The following TRRAP variants were observed in gnomAD, a reference collection of about 807,000 sequenced individuals.
TRRAP encodes the protein transformation/transcription domain-associated protein.
A neutral mutation model predicts 438.8 loss-of-function variants in TRRAP; 41 were observed. The ratio of observed to expected loss-of-function variants is 0.09; its 90% CI spans 0.07 to 0.12. The LOEUF (loss-of-function observed/expected upper bound fraction) is 0.12. Ranked by LOEUF, TRRAP falls within the 10% of genes least tolerant of loss-of-function variation. The pLI is 1.00. For synonymous variants in TRRAP, 1,994 were observed against 1,962.9 expected, an observed-to-expected ratio of 1.02 and a Z score of -0.42; for missense variants, 3,122 against 5,055.1, an observed-to-expected ratio of 0.62 and a Z score of 11.60.
rs577116284 is a variant in TRRAP, at chr7:98,937,756, G to A, written c.4340G>A (p.Arg1447His). The change falls in exon 30 of 73, where the codon CGC becomes CAC. Residue 1447 changes from arginine (R) to histidine (H), a missense_variant. By Grantham distance (29) the Arg-to-His change is conservative. Transcript: ENST00000456197. ...AGCTTGACGCTGAATGTTGTGAATC[G>A]CCTGACTTCGGTCACGAGGCTCTTC... ...YRSLTLNVVNRLTSVTRLFPN... is the reference protein window; with the variant it reads ...YRSLTLNVVNHLTSVTRLFPN... 4 of 1,613,870 alleles carry A rather than the reference G, an allele frequency of 2.5e-6. No homozygotes were observed. Among genetic ancestry groups the A allele is most frequent in the Admixed American group, 3.3e-5 (2 of 59,990 alleles).
Position 98,976,141 on chromosome 7 carries a change from G to A in TRRAP, c.7840-8G>A, listed in dbSNP as rs757681421. 1 of 1,613,730 alleles carries A rather than the reference G, an allele frequency of 6.2e-7. No homozygotes were observed. The highest frequency in any genetic ancestry group is 8.5e-7 in the Non-Finnish European group (1 of 1,179,852). On this transcript the variant is annotated splice_polypyrimidine_tract_variant and splice_region_variant and intron_variant, in intron 53 of 72. Transcript: ENST00000456197. This position sits in a 1 kb window ranked among gnomAD's most constrained non-coding sequence, Gnocchi z 4.6. ...GGCCATCTCAGCCTGTTGTCTTTCT[G>A]TTCATAGACTGGAGCGCTGCTCAGC...
In TRRAP at chr7:98,910,400, A is replaced by G. The variant is rs781848634; in HGVS notation, c.1695A>G (p.Thr565=). The G allele has an allele frequency of 8.1e-6, 13 of 1,609,582 alleles. No individual in the cohort carries two copies. The Admixed American group carries it at 1.3e-4, about 17-fold the overall frequency. The change falls in exon 15 of 73, where the codon ACA becomes ACG. Residue 565 remains threonine (T), a synonymous_variant. Coordinates refer to ENST00000456197, the MANE Select transcript of TRRAP (RefSeq NM_001375524.1). ...TCAAGACAATCACGTGGGGCATAACATCATGCAAAGCACCTGGTGGTAATT... is the reference window on the plus strand; with the variant it reads ...TCAAGACAATCACGTGGGGCATAACGTCATGCAAAGCACCTGGTGGTAATT... ...CGVKTITWGI[T]SCKAPGEAQF... is the part of the protein sequence containing the mutation.
At chr7:98,879,835 CA>C (rs1795337659) in intron 1 of TRRAP, among the ~76,000 whole-genome samples, 2 of 152,176 alleles carry the variant, frequency 1.3e-5, no homozygotes, top group Admixed American at 1.3e-4. Flanking sequence ...TCTCTAGTGT[CA>C]CCTGTGTCAG....
rs114303150 is a variant in TRRAP, at chr7:98,952,780, C to T, written c.5464-387C>T. Among the ~76,000 whole-genome samples the T allele has an allele frequency of 6.1e-3, 934 of 152,168 alleles. 10 individuals carry two copies. The highest frequency in any genetic ancestry group is 0.021 in the African/African-American group (869 of 41,502). The stretch of plus-strand genomic sequence containing the variant: ...GTCAGTTCTGTGTTCATCTCATGCT[C>T]GGTAAGTCAGCACTTTACGTAAGAT... On this transcript the variant is annotated intron_variant, in intron 39 of 72. Coordinates refer to ENST00000456197, the MANE Select transcript of TRRAP (RefSeq NM_001375524.1).
intron 20 of TRRAP, among the ~76,000 whole-genome samples, chr7:98,920,828 C>T (rs1389062287): frequency 2.0e-5 from 3 of 151,630 alleles, no homozygotes; most frequent in Non-Finnish European, 4.4e-5. Flanking sequence ...CATCCACCTG[C>T]GTGCTCCTCC....
At chr7:98,974,830 T>C (rs1356586907) in intron 53 of TRRAP, among the ~76,000 whole-genome samples, 1 of 152,240 alleles carries the variant, frequency 6.6e-6, no homozygotes, top group Non-Finnish European at 1.5e-5. Flanking sequence ...CCTTAAACCA[T>C]GCAGACAGTA....
chr7:99,007,561 C>G lies in TRRAP; in HGVS notation c.10754-816C>G, dbSNP rs186875148. On this transcript the variant is annotated intron_variant, in intron 69 of 72. Transcript: ENST00000456197. ...ATGGGGTTTTGCCATGTTGGCCAGG[C>G]TGGTCTCAAACTCCTGACCTCATGT... 2.3e-3 allele frequency among the ~76,000 whole-genome samples: 357 copies of G among 152,090 alleles called. 3 individuals are homozygous for G. The highest frequency in any genetic ancestry group is 8.3e-3 in the African/African-American group (343 of 41,458).
intron 53 of TRRAP, among the ~76,000 whole-genome samples, chr7:98,974,902 G>T (rs1252977863): frequency 1.3e-5 from 2 of 152,120 alleles, no homozygotes; most frequent in African/African-American, 2.4e-5. Context: ...CAGGGATTTT[G>T]ATCTTTGAGG....
At chr7:98,928,874 A>G (rs1323995406) in intron 23 of TRRAP, among the ~76,000 whole-genome samples, 1 of 151,760 alleles carries the variant, frequency 6.6e-6, no homozygotes, top group East Asian at 1.9e-4. Flanking sequence ...GCTGAGCTCA[A>G]GTGATCCTCC....
intron 38 of TRRAP, 24 bp from the exon 39 acceptor site, chr7:98,950,852 T>C (rs782463903): frequency 2.7e-5 from 40 of 1,507,100 alleles, no homozygotes; most frequent in Non-Finnish European, 3.4e-5. Flanking sequence ...TTTTTCTCCT[T>C]CTTTATTTAA....
chr7:98,909,687 A>G (rs2116403010), intron 14 of TRRAP, among the ~76,000 whole-genome samples: 1 of 152,326 alleles, frequency 6.6e-6, no homozygotes, highest in East Asian at 1.9e-4. Flanking sequence ...CGAGGCCTGT[A>G]GTCCTGGATG....
At chr7:98,919,485 C>T (rs1285815325) in intron 20 of TRRAP, among the ~76,000 whole-genome samples, 2 of 152,090 alleles carry the variant, frequency 1.3e-5, no homozygotes, top group African/African-American at 2.4e-5. Context: ...GCCTGTAGTC[C>T]CAGCTACTCA....
chr7:98,996,199 C>T (rs940863395), intron 67 of TRRAP, among the ~76,000 whole-genome samples: 7 of 152,246 alleles, frequency 4.6e-5, no homozygotes, highest in Admixed American at 6.5e-5. Flanking sequence ...CCCATCTACA[C>T]ACCCACATCA....
chr7:98,993,202 A>T (rs1232883464), intron 65 of TRRAP, among the ~76,000 whole-genome samples: 3 of 152,240 alleles, frequency 2.0e-5, no homozygotes, highest in Non-Finnish European at 4.4e-5. Context: ...AGAAACGTTA[A>T]AAGGAGTTCT....
chr7:98,909,955 G>A (rs1176494062), intron 14 of TRRAP, 101 bp from the exon 15 acceptor site: 2 of 1,461,524 alleles, frequency 1.4e-6, no homozygotes, highest in Non-Finnish European at 1.8e-6. Context: ...GACTTGAGCA[G>A]CTGGTGTCAG....
intron 63 of TRRAP, 67 bp from the exon 64 acceptor site, chr7:98,990,388 G>GA (rs1793379070): frequency 6.3e-7 from 1 of 1,575,650 alleles, no homozygotes; most frequent in Non-Finnish European, 8.7e-7. Flanking sequence ...TAATGTTGGG[G>GA]AAAAAGTCTC....
At chr7:98,959,552 C>G in intron 45 of TRRAP, 62 bp downstream of exon 45, 1 of 1,573,434 alleles carries the variant, frequency 6.4e-7, no homozygotes, top group Non-Finnish European at 8.6e-7. Context: ...GATACTGTCA[C>G]CTGGGCAGGG....
chr7:98,992,051 T>A, intron 64 of TRRAP, 86 bp from the exon 65 acceptor site: 1 of 1,465,450 alleles, frequency 6.8e-7, no homozygotes, highest in Non-Finnish European at 9.5e-7. Flanking sequence ...GTTTCTGACT[T>A]GACATTGGTT....
intron 4 of TRRAP, among the ~76,000 whole-genome samples, chr7:98,891,423 A>C (rs1286958097): frequency 2.0e-5 from 3 of 149,944 alleles, no homozygotes; most frequent in Non-Finnish European, 3.0e-5. Flanking sequence ...CTGGTCGTGA[A>C]CTCCTGACCT....
Sources: allele counts gnomAD v4.1 joint callset (sites outside exome capture counted in the v4.1 genomes callset), GRCh38; gene constraint gnomAD v4.1.1; non-coding constraint Gnocchi (gnomAD v3.1); transcripts MANE v1.5; gene names NCBI Gene and HGNC (gene_info 2026-07-23, HGNC 2026-07-21).